Variants in OXR1 observed in about 807,000 individuals in gnomAD.
OXR1 encodes the protein oxidation resistance protein 1.
Under a neutral mutation model 104.6 loss-of-function variants are expected in OXR1, and 41 were observed. The ratio of observed to expected loss-of-function variants is 0.39; its 90% CI spans 0.31 to 0.51. The LOEUF (loss-of-function observed/expected upper bound fraction) is 0.51. Ranked by LOEUF, OXR1 falls within the 20% of genes least tolerant of loss-of-function variation. The pLI, the probability that OXR1 is intolerant of heterozygous loss-of-function variation, is 0.77. For missense variants in OXR1, 955 were observed against 1,031.9 expected, an observed-to-expected ratio of 0.93 and a Z score of 1.02; for synonymous variants, 348 against 348.4, an observed-to-expected ratio of 1.00 and a Z score of 0.01.
chr8:106,425,125 T>C, intron 2 of OXR1, among the ~76,000 whole-genome samples: 1 of 121,922 alleles, frequency 8.2e-6, no homozygotes, highest in East Asian at 2.9e-4. Flanking sequence ...AGGATCTCAC[T>C]CCCATCGCCC....
chr8:106,365,068 G>A (rs561554744), intron 2 of OXR1, among the ~76,000 whole-genome samples: 2 of 151,980 alleles, frequency 1.3e-5, no homozygotes, highest in African/African-American at 2.4e-5. Context: ...TATTAGCCCC[G>A]GTTTTATAGT....
intron 2 of OXR1, among the ~76,000 whole-genome samples, chr8:106,489,031 C>T (rs578012237): frequency 3.4e-5 from 5 of 148,650 alleles, no homozygotes; most frequent in South Asian, 2.2e-4. Flanking sequence ...GCCATTTTCA[C>T]GATATTGATT....
In OXR1 at chr8:106,734,105, G is replaced by A. The variant is rs117201947; in HGVS notation, c.1957-3415G>A. ...TGCTGGGCTCAGGTGATCCTTCCAC[G>A]CCACCAGGCCCGGCTAATTTTTTGT... On this transcript the variant is annotated intron_variant, in intron 11 of 16. Coordinates refer to ENST00000517566, the MANE Select transcript of OXR1 (RefSeq NM_001198533.2). Among the ~76,000 whole-genome samples, 1,179 of 150,898 alleles carry A rather than the reference G, an allele frequency of 7.8e-3. 11 individuals carry two copies. Among genetic ancestry groups the A allele is most frequent in the Middle Eastern group, 0.02 (6 of 294 alleles).
At chr8:106,747,495 T>C (rs1318489352) in intron 16 of OXR1, among the ~76,000 whole-genome samples, 1 of 152,238 alleles carries the variant, frequency 6.6e-6, no homozygotes, top group East Asian at 1.9e-4. Context: ...ATTAAAGATT[T>C]AGAAGACTAC....
chr8:106,491,404 G>A, intron 2 of OXR1, among the ~76,000 whole-genome samples: 1 of 152,182 alleles, frequency 6.6e-6, no homozygotes, highest in East Asian at 1.9e-4. Context: ...ACCAGTGTGA[G>A]CATGTTGTTT....
chr8:106,326,470 CTA>C (rs1458600430), intron 1 of OXR1, among the ~76,000 whole-genome samples: 2 of 152,190 alleles, frequency 1.3e-5, no homozygotes, highest in Non-Finnish European at 2.9e-5. Context: ...AATTATTTTT[CTA>C]GTCAATGAAG....
chr8:106,660,628 A>G (rs1230654768), intron 3 of OXR1, among the ~76,000 whole-genome samples: 1 of 152,180 alleles, frequency 6.6e-6, no homozygotes, highest in East Asian at 1.9e-4. Context: ...GGAGTTACGC[A>G]TCAAGAAGGG....
At chr8:106,405,741 C>G (rs1333408284) in intron 2 of OXR1, among the ~76,000 whole-genome samples, 1 of 152,108 alleles carries the variant, frequency 6.6e-6, no homozygotes, top group African/African-American at 2.4e-5. Context: ...AACCAACTTG[C>G]AACTGACTAC....
intron 2 of OXR1, among the ~76,000 whole-genome samples, chr8:106,390,039 C>G (rs1242322995): frequency 6.6e-6 from 1 of 151,972 alleles, no homozygotes; most frequent in African/African-American, 2.4e-5. Context: ...GCACTCCAGC[C>G]AGGGTGACAG....
In OXR1 at chr8:106,498,888, C is replaced by T. The variant is rs559894277; in HGVS notation, c.24-20055C>T. On this transcript the variant is annotated intron_variant, in intron 2 of 16. Coordinates refer to ENST00000517566, the MANE Select transcript of OXR1 (RefSeq NM_001198533.2). ...GCTAAAGAATTAGGAGATGGCCGGG[C>T]GCGGTGGCTCACGCCTGTAATCCCA... 3.1e-4 allele frequency among the ~76,000 whole-genome samples: 5 copies of T among 16,044 alleles called. 2 individuals are homozygous for T. The highest frequency in any genetic ancestry group is 2.3e-3 in the East Asian group (5 of 2,156). 10.5% of individuals were successfully genotyped at this position (16,044 alleles called of 152,430 possible). A position where few individuals can be genotyped will look rare whatever the true frequency, so the allele number is the denominator to read the frequency against.
chr8:106,312,091 C>T (rs139104976), intron 1 of OXR1, among the ~76,000 whole-genome samples: 62 of 150,332 alleles, frequency 4.1e-4, no homozygotes, highest in East Asian at 7.9e-4. Context: ...GGAGTCTTAA[C>T]GATTTTAAGA....
At chr8:106,563,940 T>C (rs1816877997) in intron 3 of OXR1, among the ~76,000 whole-genome samples, 1 of 152,148 alleles carries the variant, frequency 6.6e-6, no homozygotes. Context: ...TTGAAACCAA[T>C]GAGAACAAAG....
intron 2 of OXR1, among the ~76,000 whole-genome samples, chr8:106,440,635 C>A (rs1424420511): frequency 1.3e-5 from 2 of 151,946 alleles, no homozygotes; most frequent in Non-Finnish European, 2.9e-5. Context: ...GCCACAGTTT[C>A]CACTCTCATT....
At chr8:106,335,792 T>C (rs1489495495) in intron 1 of OXR1, among the ~76,000 whole-genome samples, 2 of 152,066 alleles carry the variant, frequency 1.3e-5, no homozygotes, top group Non-Finnish European at 2.9e-5. Flanking sequence ...ACATGAGATA[T>C]AAATTAAAAG....
chr8:106,421,023 T>C (rs933403032), intron 2 of OXR1, among the ~76,000 whole-genome samples: 2 of 152,132 alleles, frequency 1.3e-5, no homozygotes, highest in African/African-American at 4.8e-5. Context: ...CCAATATGTA[T>C]GCATGTATTT....
At chr8:106,679,622 C>T (rs771314473) in intron 4 of OXR1, among the ~76,000 whole-genome samples, 14 of 151,990 alleles carry the variant, frequency 9.2e-5, no homozygotes, top group Non-Finnish European at 1.8e-4. Flanking sequence ...ATTATATTCG[C>T]AGCAGTGCTA....
chr8:106,615,920 A>G (rs1265825343), intron 3 of OXR1, among the ~76,000 whole-genome samples: 1 of 152,038 alleles, frequency 6.6e-6, no homozygotes, highest in Non-Finnish European at 1.5e-5. Context: ...ATAGTAAGTC[A>G]TTGTTATCAT....
Position 106,487,209 on chromosome 8 carries a change from A to T in OXR1, c.24-31734A>T, listed in dbSNP as rs919185614. The stretch of plus-strand genomic sequence containing the variant: ...CAGCTAATTTTTGTATTTTTAGTAG[A>T]GACGGGGTTTCACCATGTTGGCCAG... On this transcript the variant is annotated intron_variant, in intron 2 of 16. Coordinates refer to ENST00000517566, the MANE Select transcript of OXR1 (RefSeq NM_001198533.2). Among the ~76,000 whole-genome samples, 3 of 151,708 alleles carry T rather than the reference A, an allele frequency of 2.0e-5. No individual in the cohort carries two copies. The East Asian group carries it at 5.8e-4, about 30-fold the overall frequency.
chr8:106,538,398 A>C (rs1814706982), intron 3 of OXR1, among the ~76,000 whole-genome samples: 1 of 152,232 alleles, frequency 6.6e-6, no homozygotes, highest in South Asian at 2.1e-4. Context: ...AGCTCAAAAT[A>C]ACATTTGTTT....
Sources: allele counts gnomAD v4.1 joint callset (sites outside exome capture counted in the v4.1 genomes callset), GRCh38; gene constraint gnomAD v4.1.1; transcripts MANE v1.5; gene names NCBI Gene and HGNC (gene_info 2026-07-23, HGNC 2026-07-21).